RTTN: variants seen among roughly 807,000 people sequenced by gnomAD.
RTTN encodes the protein rotatin.
Under a neutral mutation model 269.2 loss-of-function variants are expected in RTTN, and 182 were observed. The observed-to-expected ratio is 0.68, with a 90% CI of 0.60 to 0.76. RTTN has a LOEUF of 0.76. RTTN is among the 30% of genes least tolerant of loss of function. The pLI, the probability that RTTN is intolerant of heterozygous loss-of-function variation, is 0.00. For synonymous variants in RTTN, 1,006 were observed against 963.5 expected (o/e 1.04, Z -0.82); for missense variants, 2,545 against 2,608.6 (o/e 0.98, Z 0.53).
At position 70,127,801 on chromosome 18, in the gene RTTN, CTT is replaced by C. The variant is rs1334586498; in HGVS notation, c.3144-62_3144-61del. On this transcript the variant is annotated intron_variant, in intron 24 of 48. Coordinates refer to ENST00000640769, the MANE Select transcript of RTTN (RefSeq NM_173630.4). ...AAAGCTATTTAAATAAAAGCTCACA[CTT>C]ATTTCTATTATAAACTCTCCCAAAA... 3 of 1,440,608 alleles carry C rather than the reference CTT, an allele frequency of 2.1e-6. No homozygotes were observed. In the East Asian group the frequency reaches 7.2e-5, roughly 34 times the overall value. The allele number at this position is 1,440,608 out of a possible 1,614,324, so 89.2% of individuals were successfully genotyped here.
chr18:70,073,379 A>C (rs1189452518), intron 34 of RTTN, among the ~76,000 whole-genome samples: 1 of 152,156 alleles, frequency 6.6e-6, no homozygotes, highest in Non-Finnish European at 1.5e-5. Context: ...TATGTGATGC[A>C]AGTATTTAGA....
rs1265226790 is a variant in RTTN, at chr18:70,181,272, A to T, written c.1306-4427T>A. ...CTTTCCAATGACTGCAATGACAGGAATGACACAGAAGAAATGCGGAAAAGA... is the reference window on the plus strand; with the variant it reads ...CTTTCCAATGACTGCAATGACAGGATTGACACAGAAGAAATGCGGAAAAGA... On this transcript the variant is annotated intron_variant, in intron 10 of 48. Transcript: ENST00000640769. Among the ~76,000 whole-genome samples the T allele has an allele frequency of 3.9e-5, 6 of 152,202 alleles. 1 individual carries two copies. Among genetic ancestry groups the T allele is most frequent in the African/African-American group, 1.4e-4 (6 of 41,442 alleles).
intron 32 of RTTN, among the ~76,000 whole-genome samples, chr18:70,078,640 A>G (rs2058486897): frequency 6.6e-6 from 1 of 152,028 alleles, no homozygotes; most frequent in Non-Finnish European, 1.5e-5. Context: ...TCCTCTGAGT[A>G]TTAGATGAGT....
chr18:70,190,478 C>A, intron 9 of RTTN, 60 bp downstream of exon 9: 3 of 1,342,528 alleles, frequency 2.2e-6, no homozygotes, highest in South Asian at 2.7e-5. Flanking sequence ...AAGGAAAATC[C>A]TAACGAAATA....
Position 70,088,231 on chromosome 18 carries a change from C to T in RTTN, c.4144-84G>A, listed in dbSNP as rs550109760. On this transcript the variant is annotated intron_variant, in intron 30 of 48. Coordinates refer to ENST00000640769, the MANE Select transcript of RTTN (RefSeq NM_173630.4). ...CTTAGTTTTTCTGGTACATAAATATCACACTTTAAAAAAATCCATTGGTTT... is the reference window on the plus strand; with the variant it reads ...CTTAGTTTTTCTGGTACATAAATATTACACTTTAAAAAAATCCATTGGTTT... 22 of 1,265,118 alleles carry T rather than the reference C, an allele frequency of 1.7e-5. No individual in the cohort carries two copies. In the South Asian group the frequency reaches 3.4e-4, roughly 19 times the overall value. The allele number at this position is 1,265,118 out of a possible 1,614,324, so 78.4% of individuals were successfully genotyped here. A position where few individuals can be genotyped will look rare whatever the true frequency, so the allele number is the denominator to read the frequency against.
intron 6 of RTTN, among the ~76,000 whole-genome samples, chr18:70,197,048 G>A (rs569144673): frequency 3.5e-4 from 54 of 152,152 alleles, no homozygotes; most frequent in African/African-American, 9.4e-4. Context: ...TTTCCTCTGC[G>A]ATCATTTGCC....
chr18:70,043,090 G>C (rs1246434263), intron 40 of RTTN, among the ~76,000 whole-genome samples: 1 of 152,178 alleles, frequency 6.6e-6, no homozygotes, highest in Middle Eastern at 3.2e-3. Context: ...ATGAAAACAG[G>C]CACCAAGTAG....
At chr18:70,020,059 T>C (rs552106259) in intron 45 of RTTN, 2 of 152,590 alleles carry the variant, frequency 1.3e-5, no homozygotes, top group African/African-American at 4.8e-5. Flanking sequence ...TAAGTGCACA[T>C]GTGTACTAGA....
chr18:70,005,310 A>T (rs1259668034), intron 47 of RTTN, 43 bp from the exon 48 acceptor site: 3 of 1,406,142 alleles, frequency 2.1e-6, no homozygotes, highest in Non-Finnish European at 3.0e-6. Flanking sequence ...TGTGTTATGG[A>T]TCATGATAGC....
chr18:70,048,979 T>C (rs1200713950), intron 39 of RTTN, among the ~76,000 whole-genome samples: 1 of 152,216 alleles, frequency 6.6e-6, no homozygotes, highest in Non-Finnish European at 1.5e-5. Flanking sequence ...TTTTGATTAG[T>C]ACTATTATTA....
intron 32 of RTTN, 32 bp downstream of exon 32, chr18:70,086,581 T>A: frequency 6.9e-7 from 1 of 1,446,486 alleles, no homozygotes; most frequent in Non-Finnish European, 9.6e-7. Flanking sequence ...TTGAAACATC[T>A]ACTAGGTTGA....
intron 11 of RTTN, 68 bp from the exon 12 acceptor site, chr18:70,169,135 G>A: frequency 8.7e-7 from 1 of 1,151,454 alleles, no homozygotes; most frequent in Non-Finnish European, 1.2e-6. Flanking sequence ...GAGAAACATA[G>A]TGGGCTATAG....
At chr18:70,185,809 G>GT (rs1378060423) in intron 10 of RTTN, among the ~76,000 whole-genome samples, 5 of 151,946 alleles carry the variant, frequency 3.3e-5, no homozygotes, top group African/African-American at 1.2e-4. Flanking sequence ...ACCAGAACTA[G>GT]TAAGTTCAGC....
intron 46 of RTTN, among the ~76,000 whole-genome samples, chr18:70,016,767 T>A (rs1042781888): frequency 1.3e-5 from 2 of 151,970 alleles, no homozygotes; most frequent in South Asian, 2.1e-4. Flanking sequence ...CTGCTTGGGA[T>A]CTCTCTCAAT....
At chr18:70,147,727 A>G (rs78622349) in intron 17 of RTTN, among the ~76,000 whole-genome samples, 329 of 152,252 alleles carry the variant, frequency 2.2e-3, no homozygotes, top group African/African-American at 7.5e-3. Context: ...TTACCCAAAG[A>G]AAGATCTGGC....
chr18:70,182,529 G>A (rs549550552), intron 10 of RTTN, among the ~76,000 whole-genome samples: 5 of 152,066 alleles, frequency 3.3e-5, no homozygotes, highest in Admixed American at 6.6e-5. Context: ...GAAAGGGAGA[G>A]GAAGGAAGAC....
chr18:70,030,156 G>C (rs1265943642), intron 41 of RTTN, 47 bp from the exon 42 acceptor site: 2 of 1,319,278 alleles, frequency 1.5e-6, no homozygotes, highest in Non-Finnish European at 1.1e-6. Flanking sequence ...CTATTTCCAA[G>C]TAAGTTATAA....
intron 32 of RTTN, among the ~76,000 whole-genome samples, chr18:70,080,247 A>T (rs2058529438): frequency 6.6e-6 from 1 of 152,156 alleles, no homozygotes. Context: ...CATAGAAGCA[A>T]TGACACCCCA....
At chr18:70,036,336 C>T (rs2057170395) in intron 40 of RTTN, among the ~76,000 whole-genome samples, 1 of 152,172 alleles carries the variant, frequency 6.6e-6, no homozygotes, top group Non-Finnish European at 1.5e-5. Flanking sequence ...AAATGTGGCA[C>T]ATATACACCA....
Sources: allele counts gnomAD v4.1 joint callset (sites outside exome capture counted in the v4.1 genomes callset), GRCh38; gene constraint gnomAD v4.1.1; transcripts MANE v1.5; gene names NCBI Gene and HGNC (gene_info 2026-07-23, HGNC 2026-07-21).